The following CPED1 variants were observed in gnomAD, a reference collection of about 807,000 sequenced individuals.
CPED1 encodes the protein cadherin like and PC-esterase domain containing 1, also known as cadherin-like and PC-esterase domain-containing protein 1.
Under a neutral mutation model 128.2 loss-of-function variants are expected in CPED1, and 114 were observed. The ratio of observed to expected loss-of-function variants is 0.89; its 90% CI spans 0.76 to 1.04. CPED1 has a LOEUF of 1.04. Ranked by LOEUF, CPED1 falls within the 50% of genes least tolerant of loss-of-function variation. The pLI is 0.00. For synonymous variants in CPED1, 462 were observed against 426.7 expected, an observed-to-expected ratio of 1.08 and a Z score of -1.02; for missense variants, 1,211 against 1,207.1, an observed-to-expected ratio of 1.00 and a Z score of -0.05.
At chr7:121,129,286 T>TGTATATATATATATATACAC (rs1491214758) in intron 11 of CPED1, among the ~76,000 whole-genome samples, 1,175 of 76,542 alleles carry the variant, frequency 0.015, 24 homozygotes, top group African/African-American at 0.048. Context: ...TGTGTATATA[T>TGTATATATATATATATACAC]GTATATATAT....
intron 18 of CPED1, among the ~76,000 whole-genome samples, chr7:121,251,690 A>G (rs145545615): frequency 0.31 from 47,333 of 151,822 alleles, 7,672 homozygotes; most frequent in Middle Eastern, 0.46. Flanking sequence ...ACAGAGCCAA[A>G]TCATGAGTGA....
chr7:121,008,424 G>A (rs1792080168), intron 2 of CPED1, among the ~76,000 whole-genome samples: 1 of 152,074 alleles, frequency 6.6e-6, no homozygotes, highest in Non-Finnish European at 1.5e-5. Flanking sequence ...AAGTATTATG[G>A]TACTGGCCTT....
At chr7:121,265,684 G>A (rs1792107735) in intron 18 of CPED1, among the ~76,000 whole-genome samples, 1 of 152,048 alleles carries the variant, frequency 6.6e-6, no homozygotes, top group South Asian at 2.1e-4. Context: ...AGCAGGAGGG[G>A]ATGTGGGTAA....
At chr7:121,098,058 TATCTA>T (rs1405727606) in intron 6 of CPED1, among the ~76,000 whole-genome samples, 4 of 152,224 alleles carry the variant, frequency 2.6e-5, no homozygotes, top group African/African-American at 7.2e-5. Context: ...ATTGGACTCT[TATCTA>T]ATAAGTTACA....
intron 3 of CPED1, among the ~76,000 whole-genome samples, chr7:121,028,601 G>GT (rs549048017): frequency 1.3e-5 from 2 of 152,192 alleles, no homozygotes; most frequent in Non-Finnish European, 1.5e-5. Context: ...CTGGAAGAGA[G>GT]TAGGATCAAG....
At position 121,066,391 on chromosome 7, in the gene CPED1, G is replaced by T. The variant is rs550942619; in HGVS notation, c.616+2078G>T. Among the ~76,000 whole-genome samples, 28 of 152,048 alleles carry T rather than the reference G, an allele frequency of 1.8e-4. No homozygotes were observed. In the South Asian group the frequency reaches 5.6e-3, roughly 31 times the overall value. Reference sequence around the variant, plus strand: ...TAGGTTTAATTTTAAAAGGCAGATTGTATATGTGTGTATATATAACTTAAT... The same window carrying T: ...TAGGTTTAATTTTAAAAGGCAGATTTTATATGTGTGTATATATAACTTAAT... On this transcript the variant is annotated intron_variant, in intron 5 of 22. Transcript: ENST00000310396.
chr7:121,256,411 C>T (rs2116723153), intron 18 of CPED1, among the ~76,000 whole-genome samples: 1 of 152,116 alleles, frequency 6.6e-6, no homozygotes, highest in African/African-American at 2.4e-5. Flanking sequence ...CCTTACTTTT[C>T]ACCATATACA....
chr7:121,149,330 G>A (rs1796098416), intron 16 of CPED1, among the ~76,000 whole-genome samples: 1 of 152,176 alleles, frequency 6.6e-6, no homozygotes, highest in African/African-American at 2.4e-5. Flanking sequence ...TTCTTATAAA[G>A]CAAGCAAAGA....
intron 6 of CPED1, among the ~76,000 whole-genome samples, chr7:121,098,830 T>C (rs1355370633): frequency 6.9e-6 from 1 of 145,186 alleles, no homozygotes; most frequent in Non-Finnish European, 1.5e-5. Context: ...TATATAAATA[T>C]ATATATAAAT....
rs1794806600 is a variant in CPED1 at position 121,099,975 on chromosome 7, G to C, written c.799G>C (p.Asp267His). The C allele has an allele frequency of 6.2e-7, 1 of 1,613,044 alleles. No homozygotes were observed. The highest frequency in any genetic ancestry group is 8.5e-7 in the Non-Finnish European group (1 of 1,179,782). ...ACATGAAACAATCTTTCGAGCCGAA[G>C]ATCTATCTGTGATTCTTAAAGCGTA... The part of the protein sequence containing the change: ...APHETIFRAE[D>H]LSVILKAYVL... Residue 267 changes from aspartate (D) to histidine (H), a missense_variant, in exon 7 of 23, where the codon GAT becomes CAT. Asp to His is a moderately conservative substitution (Grantham distance 81). Transcript: ENST00000310396.
At chr7:121,182,871 G>A (rs1796929218) in intron 16 of CPED1, among the ~76,000 whole-genome samples, 1 of 151,906 alleles carries the variant, frequency 6.6e-6, no homozygotes, top group African/African-American at 2.4e-5. Context: ...CACTGTGCCT[G>A]GTACATGGAA....
At chr7:121,013,874 A>G (rs1344238620) in intron 2 of CPED1, among the ~76,000 whole-genome samples, 1 of 152,240 alleles carries the variant, frequency 6.6e-6, no homozygotes, top group Non-Finnish European at 1.5e-5. Flanking sequence ...TAGGTGCTAT[A>G]ATTCATTAAT....
intron 16 of CPED1, among the ~76,000 whole-genome samples, chr7:121,222,183 GT>G (rs1159717884): frequency 6.6e-6 from 1 of 152,164 alleles, no homozygotes; most frequent in Non-Finnish European, 1.5e-5. Context: ...TAGCTAGCCA[GT>G]TTTCCCAGCA....
chr7:121,151,163 A>G (rs1796150338), intron 16 of CPED1, among the ~76,000 whole-genome samples: 1 of 152,148 alleles, frequency 6.6e-6, no homozygotes, highest in African/African-American at 2.4e-5. Flanking sequence ...GTGGTTCTTA[A>G]CATTTTGGAG....
At chr7:121,153,858 A>G (rs1796216935) in intron 16 of CPED1, among the ~76,000 whole-genome samples, 1 of 152,174 alleles carries the variant, frequency 6.6e-6, no homozygotes, top group Admixed American at 6.6e-5. Flanking sequence ...AAACTCACAA[A>G]CCATCTGGCC....
At chr7:121,186,503 G>C (rs147844639) in intron 16 of CPED1, among the ~76,000 whole-genome samples, 5 of 152,140 alleles carry the variant, frequency 3.3e-5, no homozygotes, top group African/African-American at 1.2e-4. Flanking sequence ...CTAGAAAGCT[G>C]AACACCAGCA....
intron 17 of CPED1, 117 bp downstream of exon 17, chr7:121,236,948 A>G (rs1448502861): frequency 1.0e-5 from 5 of 493,808 alleles, no homozygotes; most frequent in African/African-American, 2.0e-5. Flanking sequence ...TTTATTGACA[A>G]TGAACTATAA....
intron 7 of CPED1, among the ~76,000 whole-genome samples, chr7:121,121,585 G>A (rs1795390319): frequency 6.6e-6 from 1 of 151,932 alleles, no homozygotes; most frequent in Admixed American, 6.6e-5. Context: ...TGATTTCCTT[G>A]CGAACTTATA....
At chr7:121,060,783 C>T (rs1044776595) in intron 4 of CPED1, among the ~76,000 whole-genome samples, 3 of 151,896 alleles carry the variant, frequency 2.0e-5, no homozygotes, top group Admixed American at 6.5e-5. Context: ...CAGTGGCAAC[C>T]CGCTCCGGTC....
Sources: gnomAD v4.1 joint callset for allele counts (sites outside exome capture counted in the v4.1 genomes callset) on GRCh38, gnomAD v4.1.1 for gene constraint, MANE v1.5 for transcripts, NCBI Gene and HGNC (gene_info 2026-07-23, HGNC 2026-07-21) for gene names.